Variants in CTNNA2 observed in about 807,000 individuals in gnomAD.
The protein encoded by CTNNA2 is catenin alpha-2.
Under a neutral mutation model 101.0 loss-of-function variants are expected in CTNNA2, and 42 were observed. The observed-to-expected ratio is 0.42, with a 90% CI of 0.32 to 0.54. The LOEUF is 0.54. CTNNA2 is among the 20% of genes least tolerant of loss of function. The pLI is 0.14. For missense variants in CTNNA2, 871 were observed against 1,223.1 expected (o/e 0.71, Z 4.29); for synonymous variants, 450 against 456.4 (o/e 0.99, Z 0.18).
At chr2:79,365,262 G>A (rs1237757578) in intron 3 of CTNNA2, among the ~76,000 whole-genome samples, 1 of 148,586 alleles carries the variant, frequency 6.7e-6, no homozygotes, top group Non-Finnish European at 1.5e-5. Flanking sequence ...GGGCAACAGA[G>A]CGAGACTCCA....
intron 7 of CTNNA2, among the ~76,000 whole-genome samples, chr2:79,995,696 C>T (rs1449984646): frequency 2.0e-5 from 3 of 152,020 alleles, no homozygotes; most frequent in Admixed American, 6.6e-5. Context: ...TCCCTGTGGT[C>T]CCAGGCAGTT....
In CTNNA2 at chr2:79,251,925, C is replaced by T. The variant is rs573181746; in HGVS notation, c.-406+53849C>T. 1.1e-4 allele frequency among the ~76,000 whole-genome samples: 17 copies of T among 152,270 alleles called. No individual in the cohort carries two copies. In the East Asian group the frequency reaches 2.7e-3, roughly 24 times the overall value. ...TATACTAAACCGCCACTGATTGCGG[C>T]GTACACCAGAAATATGGAAAATATG... On this transcript the variant is annotated intron_variant, in intron 2 of 21. Coordinates refer to the CTNNA2 transcript ENST00000466387.
intron 7 of CTNNA2, among the ~76,000 whole-genome samples, chr2:80,007,471 G>A (rs745520224): frequency 6.6e-6 from 1 of 152,090 alleles, no homozygotes; most frequent in Non-Finnish European, 1.5e-5. Flanking sequence ...TGTTTTTGGA[G>A]AGACTGACTT....
At chr2:80,218,603 A>G (rs1348135620) in intron 7 of CTNNA2, among the ~76,000 whole-genome samples, 1 of 152,214 alleles carries the variant, frequency 6.6e-6, no homozygotes, top group East Asian at 1.9e-4. Flanking sequence ...CTTACCCTCT[A>G]TTAGGCTCAG....
intron 7 of CTNNA2, among the ~76,000 whole-genome samples, chr2:80,364,012 G>A (rs991843825): frequency 2.0e-5 from 3 of 152,110 alleles, no homozygotes; most frequent in Admixed American, 1.3e-4. Flanking sequence ...GGTTCCTAGC[G>A]TTTACTGCAG....
At chr2:80,075,037 C>A (rs1388270753) in intron 7 of CTNNA2, among the ~76,000 whole-genome samples, 1 of 152,080 alleles carries the variant, frequency 6.6e-6, no homozygotes, top group Admixed American at 6.6e-5. Flanking sequence ...TATCCCTTCC[C>A]TTACTGTTTT....
intron 1 of CTNNA2, among the ~76,000 whole-genome samples, chr2:79,514,927 GTGCAATA>G (rs1449077271): frequency 1.3e-5 from 2 of 152,278 alleles, no homozygotes; most frequent in South Asian, 4.1e-4. Flanking sequence ...TATGACAGTA[GTGCAATA>G]TGCAGTTTTG....
intron 1 of CTNNA2, among the ~76,000 whole-genome samples, chr2:79,611,028 C>G (rs1257959462): frequency 6.6e-6 from 1 of 152,036 alleles, no homozygotes. Flanking sequence ...AGTAAACCAT[C>G]TGTACAAAAG....
At chr2:79,821,903 A>C (rs948025885) in intron 3 of CTNNA2, among the ~76,000 whole-genome samples, 1 of 152,216 alleles carries the variant, frequency 6.6e-6, no homozygotes, top group Non-Finnish European at 1.5e-5. Flanking sequence ...ACTCTTGTAC[A>C]TAGTTTATAA....
intron 3 of CTNNA2, among the ~76,000 whole-genome samples, chr2:79,773,977 G>C (rs958188645): frequency 6.6e-6 from 1 of 152,144 alleles, no homozygotes; most frequent in African/African-American, 2.4e-5. Flanking sequence ...TGTTTTCAGA[G>C]ATGGCTGCTA....
chr2:80,378,330 T>G (rs1676164883), intron 7 of CTNNA2, among the ~76,000 whole-genome samples: 1 of 151,096 alleles, frequency 6.6e-6, no homozygotes, highest in Non-Finnish European at 1.5e-5. Context: ...TACTCCAGCC[T>G]GGGCAACAAG....
intron 3 of CTNNA2, among the ~76,000 whole-genome samples, chr2:79,335,634 C>T (rs1676977353): frequency 6.6e-6 from 1 of 152,124 alleles, no homozygotes; most frequent in South Asian, 2.1e-4. Flanking sequence ...ATATAGTAAA[C>T]ATTCTACGTC....
chr2:79,414,883 A>G (rs1019612713), intron 4 of CTNNA2, among the ~76,000 whole-genome samples: 1 of 152,120 alleles, frequency 6.6e-6, no homozygotes, highest in Admixed American at 6.6e-5. Context: ...ATGGCCATAG[A>G]CAAGACCAGT....
Position 80,647,914 on chromosome 2 carries a change from TCTTTC to T in CTNNA2, c.*43_*47del. The T allele has an allele frequency of 6.6e-7, 1 of 1,516,650 alleles. No homozygotes were observed. 93.9% of individuals were successfully genotyped at this position (1,516,650 alleles called of 1,614,324 possible). A position where few individuals can be genotyped will look rare whatever the true frequency, so the allele number is the denominator to read the frequency against. The stretch of plus-strand genomic sequence containing the variant: ...AAGAAAGCTTTTTCTTTCTTTTCTT[TCTTTC>T]TTTTTCTTTTTAATTCCATTTTTGT... On this transcript the variant is annotated 3_prime_UTR_variant, in exon 19 of 19. Transcript: ENST00000402739.
intron 1 of CTNNA2, among the ~76,000 whole-genome samples, chr2:79,604,377 T>C (rs1299080539): frequency 6.6e-6 from 1 of 152,186 alleles, no homozygotes; most frequent in Non-Finnish European, 1.5e-5. Context: ...CTTTGAGAGA[T>C]GAGCCATAAT....
At chr2:79,774,746 G>T (rs1417818322) in intron 3 of CTNNA2, among the ~76,000 whole-genome samples, 1 of 152,084 alleles carries the variant, frequency 6.6e-6, no homozygotes, top group Non-Finnish European at 1.5e-5. Context: ...GCCCCCAAAA[G>T]CAATATTGAA....
At chr2:79,491,610 T>G (rs1671207862) in intron 4 of CTNNA2, among the ~76,000 whole-genome samples, 1 of 152,164 alleles carries the variant, frequency 6.6e-6, no homozygotes, top group South Asian at 2.1e-4. Flanking sequence ...CTCTGAACTG[T>G]GTCTCCAGAA....
chr2:80,255,119 G>C (rs987815418), intron 7 of CTNNA2, among the ~76,000 whole-genome samples: 11 of 152,180 alleles, frequency 7.2e-5, no homozygotes, highest in Non-Finnish European at 1.5e-4. Flanking sequence ...TGTGTCGATA[G>C]ATGTTCGTCT....
intron 4 of CTNNA2, chr2:79,498,977 A>G (rs1036824717): frequency 1.3e-5 from 2 of 152,264 alleles, no homozygotes; most frequent in African/African-American, 2.4e-5. Flanking sequence ...TCTATACTGT[A>G]GACCTCAGTG....
Sources: gnomAD v4.1 joint callset for allele counts (sites outside exome capture counted in the v4.1 genomes callset) on GRCh38, gnomAD v4.1.1 for gene constraint, MANE v1.5 for transcripts, NCBI Gene and HGNC (gene_info 2026-07-23, HGNC 2026-07-21) for gene names.